Variants in PKP2 observed in about 807,000 individuals in gnomAD.
The protein encoded by PKP2 is plakophilin 2.
In PKP2, 73 loss-of-function variants were observed where a neutral mutation model predicts 83.4. The ratio of observed to expected loss-of-function variants is 0.88; its 90% CI spans 0.72 to 1.06. The LOEUF (loss-of-function observed/expected upper bound fraction) is 1.06. Among genes scored for constraint, PKP2 ranks in the 50% least tolerant of loss-of-function variants. PKP2 has a pLI of 0.00. For missense variants in PKP2, 966 were observed against 1,065.4 expected, an observed-to-expected ratio of 0.91 and a Z score of 1.30; for synonymous variants, 409 against 430.4, an observed-to-expected ratio of 0.95 and a Z score of 0.62.
intron 4 of PKP2, among the ~76,000 whole-genome samples, chr12:32,866,515 C>A (rs893444599): frequency 3.8e-5 from 5 of 132,356 alleles, no homozygotes; most frequent in Admixed American, 3.5e-4. Context: ...TGTGCCACTG[C>A]ACTCCAGCCT....
intron 4 of PKP2, among the ~76,000 whole-genome samples, chr12:32,852,801 TG>T (rs940585829): frequency 1.3e-5 from 2 of 152,012 alleles, no homozygotes; most frequent in Non-Finnish European, 2.9e-5. Flanking sequence ...ATTTCTTAGC[TG>T]GCCGGGCACG....
chr12:32,859,177 A>T (rs1956778560), intron 4 of PKP2, among the ~76,000 whole-genome samples: 1 of 152,232 alleles, frequency 6.6e-6, no homozygotes, highest in Non-Finnish European at 1.5e-5. Context: ...GTATAGAAAG[A>T]GTACTTATTT....
At chr12:32,888,196 G>A (rs1242419636) in intron 1 of PKP2, among the ~76,000 whole-genome samples, 1 of 152,068 alleles carries the variant, frequency 6.6e-6, no homozygotes, top group Non-Finnish European at 1.5e-5. Context: ...TGAATACACT[G>A]TTCATTTCTG....
chr12:32,886,775 C>T (rs563138199), intron 1 of PKP2, among the ~76,000 whole-genome samples: 52 of 151,844 alleles, frequency 3.4e-4, no homozygotes, highest in African/African-American at 1.2e-3. Context: ...GTGGATCACT[C>T]GAGTCCAAGA....
At chr12:32,801,014 G>A (rs1956173690) in intron 10 of PKP2, among the ~76,000 whole-genome samples, 1 of 152,168 alleles carries the variant, frequency 6.6e-6, no homozygotes, top group South Asian at 2.1e-4. Flanking sequence ...CTTATTTCTT[G>A]CTATTAAAAT....
At position 32,792,491 on chromosome 12, in the gene PKP2, G is replaced by A; in HGVS notation, c.2447C>T (p.Ala816Val). 6.2e-7 allele frequency: 1 copy of A among 1,613,264 alleles called. No homozygotes were observed. The change falls in exon 13 of 13, where the codon GCT becomes GTT. Residue 816 changes from alanine (A) to valine (V), a missense_variant and splice_region_variant. Coordinates refer to ENST00000340811, the MANE Select transcript of PKP2 (RefSeq NM_001005242.3). Reference sequence around the variant, plus strand: ...GACAAAATCTGTCTTCTTAAACTGAGCCTTTGGAATAAGCAAACAGAAACG... The same window carrying A: ...GACAAAATCTGTCTTCTTAAACTGAACCTTTGGAATAAGCAAACAGAAACG... ...HTELHHAYKK[A>V]QFKKTDFVNS... is the part of the protein sequence containing the mutation.
chr12:32,887,441 T>G (rs1313330452), intron 1 of PKP2, among the ~76,000 whole-genome samples: 1 of 152,196 alleles, frequency 6.6e-6, no homozygotes, highest in African/African-American at 2.4e-5. Flanking sequence ...CAAAAACACA[T>G]TTTAAATGTC....
intron 11 of PKP2, 53 bp from the exon 12 acceptor site, chr12:32,792,784 T>C: frequency 7.0e-7 from 1 of 1,423,512 alleles, no homozygotes; most frequent in Non-Finnish European, 9.9e-7. Context: ...GGCTTCTGGA[T>C]GCGGCCTGTG....
At chr12:32,874,276 T>C (rs941356174) in intron 3 of PKP2, among the ~76,000 whole-genome samples, 1 of 152,036 alleles carries the variant, frequency 6.6e-6, no homozygotes, top group Non-Finnish European at 1.5e-5. Flanking sequence ...ACACAGTGTG[T>C]GGTCTCAGGG....
intron 6 of PKP2, among the ~76,000 whole-genome samples, chr12:32,835,538 A>G (rs1956538176): frequency 8.4e-6 from 1 of 119,396 alleles, no homozygotes; most frequent in South Asian, 3.4e-4. Flanking sequence ...AAGAAGAAAA[A>G]GAGGAAAAAA....
intron 1 of PKP2, among the ~76,000 whole-genome samples, chr12:32,895,881 C>T (rs1957118560): frequency 1.3e-5 from 2 of 152,224 alleles, no homozygotes; most frequent in South Asian, 4.1e-4. Context: ...CCAAAGTCCC[C>T]TACCTCCTCC....
At chr12:32,855,797 G>T (rs1956742583) in intron 4 of PKP2, among the ~76,000 whole-genome samples, 1 of 120,652 alleles carries the variant, frequency 8.3e-6, no homozygotes, top group African/African-American at 3.7e-5. Context: ...AAAAAAAAAG[G>T]AAGAAAATAT....
At chr12:32,851,075 C>A (rs112332338) in intron 4 of PKP2, 102 bp from the exon 5 acceptor site, 19 of 931,424 alleles carry the variant, frequency 2.0e-5, no homozygotes, top group African/African-American at 1.6e-4. Flanking sequence ...CTGACTATAA[C>A]CTTTCTTCAT....
chr12:32,868,616 G>T (rs2137918065), intron 4 of PKP2, among the ~76,000 whole-genome samples: 1 of 152,192 alleles, frequency 6.6e-6, no homozygotes, highest in East Asian at 1.9e-4. Context: ...TCCGCCTTCT[G>T]GCTTCAAGTG....
intron 6 of PKP2, among the ~76,000 whole-genome samples, chr12:32,825,460 C>CA (rs1265699239): frequency 6.6e-6 from 1 of 152,126 alleles, no homozygotes; most frequent in Non-Finnish European, 1.5e-5. Flanking sequence ...CGTGAGCTAC[C>CA]ACGCCTGGCC....
At chr12:32,818,466 C>CA (rs765674793) in intron 9 of PKP2, among the ~76,000 whole-genome samples, 46 of 151,504 alleles carry the variant, frequency 3.0e-4, no homozygotes, top group South Asian at 4.2e-4. Flanking sequence ...GTCTCAAAAA[C>CA]AAAAAAAACC....
chr12:32,828,510 T>C (rs1353527729), intron 6 of PKP2, among the ~76,000 whole-genome samples: 1 of 152,226 alleles, frequency 6.6e-6, no homozygotes, highest in African/African-American at 2.4e-5. Context: ...ATAAATAGCA[T>C]GATCTGTAAT....
At chr12:32,885,603 G>A (rs1430814876) in intron 1 of PKP2, among the ~76,000 whole-genome samples, 1 of 152,078 alleles carries the variant, frequency 6.6e-6, no homozygotes, top group Non-Finnish European at 1.5e-5. Flanking sequence ...GGCAGAGGTT[G>A]CGGTGAGGTG....
At chr12:32,854,681 T>A (rs1474128512) in intron 4 of PKP2, among the ~76,000 whole-genome samples, 4 of 152,186 alleles carry the variant, frequency 2.6e-5, no homozygotes, top group African/African-American at 7.2e-5. Flanking sequence ...CTACCATGAA[T>A]GTTTCAGAAC....
Sources: allele counts gnomAD v4.1 joint callset (sites outside exome capture counted in the v4.1 genomes callset), GRCh38; gene constraint gnomAD v4.1.1; transcripts MANE v1.5; gene names NCBI Gene and HGNC (gene_info 2026-07-23, HGNC 2026-07-21).